Variants in REPS2 observed in about 807,000 individuals in gnomAD.
REPS2 encodes RALBP1 associated Eps domain containing 2, also known as ralBP1-associated Eps domain-containing protein 2.
Under a neutral mutation model 53.6 loss-of-function variants are expected in REPS2, and 23 were observed. The observed-to-expected ratio is 0.43, with a 90% confidence interval of 0.31 to 0.61. REPS2 has a LOEUF of 0.61. REPS2 is among the 20% of genes least tolerant of loss of function. REPS2 has a pLI of 0.11. For missense variants in REPS2, 446 were observed against 534.9 expected (o/e 0.83, Z 1.64); for synonymous variants, 238 against 218.6 (o/e 1.09, Z -0.78).
chrX:17,104,838 C>T (rs748294458), intron 14 of REPS2, among the ~76,000 whole-genome samples: 2 of 111,586 alleles, frequency 1.8e-5, no homozygotes, highest in Admixed American at 1.9e-4. Flanking sequence ...TTATTGAGTC[C>T]CTGCTGTATA....
At chrX:16,947,587 G>GGCCCA (rs2060456659) in intron 1 of REPS2, among the ~76,000 whole-genome samples, 1 of 111,838 alleles carries the variant, frequency 8.9e-6, no homozygotes, top group Non-Finnish European at 1.9e-5. Context: ...TAGGGTTCGA[G>GGCCCA]GCCCAGGGCT....
chrX:17,027,921 G>A (rs867221706), intron 4 of REPS2, among the ~76,000 whole-genome samples: 1 of 110,951 alleles, frequency 9.0e-6, no homozygotes, highest in Middle Eastern at 4.6e-3. Context: ...GCTGATCAGA[G>A]CACATGTCTT....
chrX:16,963,100 TAA>T (rs1228703908), intron 1 of REPS2, among the ~76,000 whole-genome samples: 2 of 105,087 alleles, frequency 1.9e-5, no homozygotes. Flanking sequence ...CCCTGTCTCT[TAA>T]AAAAAAAAAA....
chrX:17,007,584 C>T (rs774931649), intron 2 of REPS2, among the ~76,000 whole-genome samples: 1 of 111,937 alleles, frequency 8.9e-6, no homozygotes, highest in African/African-American at 3.3e-5. Flanking sequence ...CCCATAATCG[C>T]CACACCAGGG....
intron 14 of REPS2, among the ~76,000 whole-genome samples, chrX:17,104,875 T>G (rs1192474403): frequency 8.9e-6 from 1 of 111,994 alleles, no homozygotes; most frequent in Non-Finnish European, 1.9e-5. Flanking sequence ...AGTTTTGCCC[T>G]AAGCCTTTCA....
At chrX:17,033,431 A>C (rs949598980) in intron 5 of REPS2, among the ~76,000 whole-genome samples, 2 of 111,510 alleles carry the variant, frequency 1.8e-5, no homozygotes, top group African/African-American at 6.5e-5. Context: ...CTTCACTCTA[A>C]TGTTCCACTG....
At chrX:16,962,310 C>T (rs766446835) in intron 1 of REPS2, among the ~76,000 whole-genome samples, 3 of 109,884 alleles carry the variant, frequency 2.7e-5, no homozygotes, top group African/African-American at 1.0e-4. Flanking sequence ...CACACACACA[C>T]ACACACACAC....
intron 5 of REPS2, among the ~76,000 whole-genome samples, chrX:17,041,231 A>G (rs2061825866): frequency 9.0e-6 from 1 of 110,999 alleles, no homozygotes; most frequent in South Asian, 3.8e-4. Context: ...TGCAATGGCT[A>G]CAACTCAGTC....
At chrX:17,113,608 G>A (rs1215237447) in intron 14 of REPS2, among the ~76,000 whole-genome samples, 1 of 111,354 alleles carries the variant, frequency 9.0e-6, no homozygotes, top group Admixed American at 9.6e-5. Context: ...AAGAGTTTTG[G>A]AAGTTCTCTT....
At chrX:17,141,518 A>G (rs1045577040) in intron 17 of REPS2, among the ~76,000 whole-genome samples, 3 of 111,953 alleles carry the variant, frequency 2.7e-5, no homozygotes, top group African/African-American at 9.7e-5. Context: ...GTATGGAAAT[A>G]TGTTCTCATT....
At chrX:17,134,551 G>A (rs1240866863) in intron 15 of REPS2, among the ~76,000 whole-genome samples, 1 of 112,034 alleles carries the variant, frequency 8.9e-6, no homozygotes, top group Non-Finnish European at 1.9e-5. Flanking sequence ...CTTTATGTAG[G>A]AATTGGGGAT....
chrX:17,156,632 A>G (rs2063617211), downstream of REPS2, among the ~76,000 whole-genome samples: 1 of 111,182 alleles, frequency 9.0e-6, no homozygotes, highest in Non-Finnish European at 1.9e-5. Context: ...CCTGGGGTGG[A>G]CCATTTCTAT....
intron 1 of REPS2, among the ~76,000 whole-genome samples, chrX:16,992,505 C>G (rs982752899): frequency 8.9e-6 from 1 of 112,094 alleles, no homozygotes; most frequent in African/African-American, 3.2e-5. Context: ...CCTTCTTTTT[C>G]CAGTGAAAAG....
intron 13 of REPS2, among the ~76,000 whole-genome samples, chrX:17,094,398 T>C (rs766881810): frequency 3.3e-4 from 37 of 112,289 alleles, no homozygotes; most frequent in Non-Finnish European, 5.6e-4. Flanking sequence ...ATTTTGACTC[T>C]AGTACTTTGA....
chrX:16,961,552 T>G (rs776292428), intron 1 of REPS2, among the ~76,000 whole-genome samples: 1 of 111,354 alleles, frequency 9.0e-6, no homozygotes, highest in Non-Finnish European at 1.9e-5. Flanking sequence ...GAAGAAAACA[T>G]AGGGGAAAAG....
At chrX:17,081,735 A>C (rs2062458602) in intron 13 of REPS2, among the ~76,000 whole-genome samples, 2 of 111,886 alleles carry the variant, frequency 1.8e-5, no homozygotes, top group African/African-American at 6.5e-5. Flanking sequence ...TAACAGGGAG[A>C]TCACCATTTG....
chrX:17,030,807 G>T (rs2061699978), intron 5 of REPS2, among the ~76,000 whole-genome samples: 1 of 112,276 alleles, frequency 8.9e-6, no homozygotes, highest in Admixed American at 9.5e-5. Flanking sequence ...GACAGAGCCA[G>T]AATTTGAATC....
intron 1 of REPS2, among the ~76,000 whole-genome samples, chrX:16,976,357 T>C (rs897500524): frequency 2.7e-5 from 3 of 110,489 alleles, no homozygotes; most frequent in African/African-American, 9.9e-5. Flanking sequence ...GGTGGGGTAT[T>C]TTGGAGGGGG....
chrX:17,028,150 T>C (rs922002598), intron 4 of REPS2, among the ~76,000 whole-genome samples: 1 of 111,517 alleles, frequency 9.0e-6, no homozygotes, highest in Non-Finnish European at 1.9e-5. Flanking sequence ...GGCCAGATGG[T>C]GGCCTGTTCC....
Sources: allele counts gnomAD v4.1 joint callset (sites outside exome capture counted in the v4.1 genomes callset), GRCh38; gene constraint gnomAD v4.1.1; transcripts MANE v1.5; gene names NCBI Gene and HGNC (gene_info 2026-07-23, HGNC 2026-07-21).